SUSD6: variants seen among roughly 807,000 people sequenced by gnomAD.
SUSD6 encodes sushi domain-containing protein 6.
In SUSD6, 16 loss-of-function variants were observed where a neutral mutation model predicts 28.4. That is an observed-to-expected ratio of 0.56 (90% confidence interval 0.38 to 0.86). The LOEUF is 0.86. Among genes scored for constraint, SUSD6 ranks in the 40% least tolerant of loss-of-function variants. The pLI, the probability that SUSD6 is intolerant of heterozygous loss-of-function variation, is 0.00. For synonymous variants in SUSD6, 147 were observed against 159.6 expected, an observed-to-expected ratio of 0.92 and a Z score of 0.59; for missense variants, 341 against 384.2, an observed-to-expected ratio of 0.89 and a Z score of 0.94.
intron 2 of SUSD6, 68 bp downstream of exon 2, chr14:69,658,781 T>G (rs1399664278): frequency 1.9e-6 from 3 of 1,602,296 alleles, no homozygotes; most frequent in Admixed American, 3.3e-5. Context: ...TCTCGAAGAC[T>G]AGGACAGGGG....
At chr14:69,669,226 G>A (rs568364347) in intron 2 of SUSD6, among the ~76,000 whole-genome samples, 3 of 151,978 alleles carry the variant, frequency 2.0e-5, no homozygotes, top group African/African-American at 7.2e-5. Context: ...ACCATGCCTG[G>A]CTAATTTTTG....
At chr14:69,635,330 G>A (rs1885248253) in intron 1 of SUSD6, among the ~76,000 whole-genome samples, 1 of 152,144 alleles carries the variant, frequency 6.6e-6, no homozygotes. Context: ...TTTTGAGAAG[G>A]CCTTTTACAA....
At chr14:69,625,898 G>A (rs1036216573) in intron 1 of SUSD6, among the ~76,000 whole-genome samples, 7 of 152,092 alleles carry the variant, frequency 4.6e-5, no homozygotes, top group Admixed American at 3.3e-4. Flanking sequence ...ATCCTCTCCC[G>A]CTTTCAACCT....
intron 2 of SUSD6, among the ~76,000 whole-genome samples, chr14:69,691,119 A>G (rs1388617039): frequency 2.0e-5 from 3 of 152,186 alleles, no homozygotes; most frequent in Non-Finnish European, 2.9e-5. Context: ...AAGCAGGTGC[A>G]TCACCTGAGG....
chr14:69,621,252 G>A (rs575463073), intron 1 of SUSD6, among the ~76,000 whole-genome samples: 1 of 152,282 alleles, frequency 6.6e-6, no homozygotes, highest in Non-Finnish European at 1.5e-5. Flanking sequence ...TGACTTTGAG[G>A]TTATGAGCCT....
chr14:69,661,767 G>C (rs182938372), intron 2 of SUSD6, among the ~76,000 whole-genome samples: 1 of 152,210 alleles, frequency 6.6e-6, no homozygotes, highest in Non-Finnish European at 1.5e-5. Flanking sequence ...TTTAATTCAG[G>C]AAAAGCCTCT....
intron 1 of SUSD6, among the ~76,000 whole-genome samples, chr14:69,639,729 AT>A (rs1885321076): frequency 6.6e-6 from 1 of 152,126 alleles, no homozygotes; most frequent in South Asian, 2.1e-4. Context: ...GGATCAAGTG[AT>A]TCTTTGTTGT....
intron 2 of SUSD6, among the ~76,000 whole-genome samples, chr14:69,682,103 G>A (rs1234576708): frequency 6.6e-6 from 1 of 152,098 alleles, no homozygotes; most frequent in Admixed American, 6.5e-5. Flanking sequence ...AGGCCAAGGT[G>A]GGAAGACCAC....
intron 1 of SUSD6, among the ~76,000 whole-genome samples, chr14:69,618,643 G>A (rs1007941697): frequency 6.6e-6 from 1 of 152,244 alleles, no homozygotes; most frequent in African/African-American, 2.4e-5. Flanking sequence ...TGTATCTGGA[G>A]CCAAGGCCAA....
At chr14:69,616,186 T>G (rs559587543) in intron 1 of SUSD6, among the ~76,000 whole-genome samples, 9 of 152,278 alleles carry the variant, frequency 5.9e-5, no homozygotes, top group African/African-American at 2.2e-4. Flanking sequence ...GAAAAATGAT[T>G]CAGGATTCTG....
chr14:69,644,927 G>C (rs879306773), intron 1 of SUSD6, among the ~76,000 whole-genome samples: 1 of 152,186 alleles, frequency 6.6e-6, no homozygotes, highest in Non-Finnish European at 1.5e-5. Flanking sequence ...AGAAGGTGAG[G>C]TAAGGGTATA....
chr14:69,644,456 C>G (rs972478288), intron 1 of SUSD6, among the ~76,000 whole-genome samples: 1 of 152,072 alleles, frequency 6.6e-6, no homozygotes, highest in Non-Finnish European at 1.5e-5. Context: ...TCGAGACCAT[C>G]CTGGCCAACA....
intron 1 of SUSD6, among the ~76,000 whole-genome samples, chr14:69,613,012 T>G (rs1467710855): frequency 6.6e-6 from 1 of 152,252 alleles, no homozygotes; most frequent in Non-Finnish European, 1.5e-5. Flanking sequence ...TGCTTGGCAC[T>G]GACTTCTGAG....
intron 2 of SUSD6, among the ~76,000 whole-genome samples, chr14:69,695,153 A>G (rs1886206925): frequency 6.6e-6 from 1 of 150,982 alleles, no homozygotes; most frequent in Non-Finnish European, 1.5e-5. Flanking sequence ...ATGAGAAACC[A>G]TCTCACTTCC....
chr14:69,662,003 C>T lies in SUSD6; in HGVS notation c.121+3290C>T, dbSNP rs377023778. ...TTTTTTATGTTGCCCAGGCTGATCTCGAACTCCTGGGCTGAAGTGATCCTC... is the reference window on the plus strand; with the variant it reads ...TTTTTTATGTTGCCCAGGCTGATCTTGAACTCCTGGGCTGAAGTGATCCTC... On this transcript the variant is annotated intron_variant, in intron 2 of 5. Coordinates refer to ENST00000342745, the MANE Select transcript of SUSD6 (RefSeq NM_014734.4). Among the ~76,000 whole-genome samples the T allele has an allele frequency of 2.8e-4, 43 of 152,180 alleles. 1 individual carries two copies. The South Asian group carries it at 8.9e-3, about 32-fold the overall frequency.
At chr14:69,676,057 T>A (rs1885903847) in intron 2 of SUSD6, among the ~76,000 whole-genome samples, 1 of 152,154 alleles carries the variant, frequency 6.6e-6, no homozygotes, top group Non-Finnish European at 1.5e-5. Flanking sequence ...GAAGTCAGGG[T>A]CTCACAGTCT....
chr14:69,622,157 T>C (rs1400568402), intron 1 of SUSD6, among the ~76,000 whole-genome samples: 1 of 152,174 alleles, frequency 6.6e-6, no homozygotes, highest in Non-Finnish European at 1.5e-5. Context: ...CAGTGTTTTT[T>C]TGGCTTTTTT....
chr14:69,646,218 G>A (rs567448807), intron 1 of SUSD6, among the ~76,000 whole-genome samples: 7 of 152,162 alleles, frequency 4.6e-5, no homozygotes, highest in African/African-American at 1.4e-4. Context: ...TGTTTTCCTT[G>A]AGTCTCTCTG....
intron 2 of SUSD6, among the ~76,000 whole-genome samples, chr14:69,675,208 G>T (rs1885889642): frequency 6.6e-6 from 1 of 152,160 alleles, no homozygotes; most frequent in South Asian, 2.1e-4. Context: ...CCTCAGTTTT[G>T]CTCACCTTGC....
Sources: gnomAD v4.1 joint callset for allele counts (sites outside exome capture counted in the v4.1 genomes callset) on GRCh38, gnomAD v4.1.1 for gene constraint, MANE v1.5 for transcripts, NCBI Gene and HGNC (gene_info 2026-07-23, HGNC 2026-07-21) for gene names.